Variants in LAMC1 observed in about 807,000 individuals in gnomAD.
The protein encoded by LAMC1 is laminin subunit gamma-1.
A neutral mutation model predicts 173.6 loss-of-function variants in LAMC1; 38 were observed. The ratio of observed to expected loss-of-function variants is 0.22; its 90% CI spans 0.17 to 0.29. The LOEUF (loss-of-function observed/expected upper bound fraction) is 0.29. LAMC1 is among the 10% of genes least tolerant of loss of function. The pLI, the probability that LAMC1 is intolerant of heterozygous loss-of-function variation, is 1.00. For missense variants in LAMC1, 1,824 were observed against 2,051.8 expected, an observed-to-expected ratio of 0.89 and a Z score of 2.14; for synonymous variants, 746 against 749.1, an observed-to-expected ratio of 1.00 and a Z score of 0.07.
intron 17 of LAMC1, among the ~76,000 whole-genome samples, chr1:183,128,213 A>C (rs1345686038): frequency 6.6e-6 from 1 of 152,218 alleles, no homozygotes; most frequent in Admixed American, 6.5e-5. Context: ...GGTATCACGA[A>C]GGTAATCTGA....
chr1:183,047,873 A>G (rs1348511499), intron 1 of LAMC1, among the ~76,000 whole-genome samples: 3 of 152,194 alleles, frequency 2.0e-5, no homozygotes, highest in African/African-American at 7.2e-5. Context: ...ACACATAAAC[A>G]GTTTTTTTCA....
intron 1 of LAMC1, among the ~76,000 whole-genome samples, chr1:183,071,078 T>G (rs548003609): frequency 4.0e-5 from 6 of 150,212 alleles, no homozygotes; most frequent in African/African-American, 9.9e-5. Flanking sequence ...GGAAGCTGGG[T>G]TTTTTTTGTT....
intron 1 of LAMC1, among the ~76,000 whole-genome samples, chr1:183,092,783 G>A (rs1655597803): frequency 6.6e-6 from 1 of 151,930 alleles, no homozygotes; most frequent in Non-Finnish European, 1.5e-5. Context: ...GGATGAAAGG[G>A]GCTCTCTTTC....
intron 1 of LAMC1, among the ~76,000 whole-genome samples, chr1:183,053,994 G>A (rs1272428020): frequency 6.6e-6 from 1 of 152,128 alleles, no homozygotes; most frequent in East Asian, 1.9e-4. Flanking sequence ...CTCAAATGTT[G>A]CTTTTTATTT....
rs998023043 is a variant in LAMC1, at chr1:183,143,872, C to A, written c.*1082C>A. ...GAGATGAGACATTTGACCCTTAGCT[C>A]CAGTTTTCTTCTGATGTTTCCATCT... On this transcript the variant is annotated 3_prime_UTR_variant, in exon 28 of 28. Transcript: ENST00000258341. 6.6e-5 allele frequency: 10 copies of A among 152,156 alleles called. No homozygotes were observed. The highest frequency in any genetic ancestry group is 9.7e-5 in the African/African-American group (4 of 41,430). 9.4% of individuals were successfully genotyped at this position (152,156 alleles called of 1,614,324 possible). A position where few individuals can be genotyped will look rare whatever the true frequency, so the allele number is the denominator to read the frequency against.
At chr1:183,116,535 T>G (rs754985642) in intron 6 of LAMC1, 42 bp from the exon 7 acceptor site, 8 of 1,365,254 alleles carry the variant, frequency 5.9e-6, no homozygotes, top group Non-Finnish European at 8.2e-6. Flanking sequence ...AGTGGAAGTT[T>G]TCTCCCTTCT....
intron 1 of LAMC1, among the ~76,000 whole-genome samples, chr1:183,073,962 CT>C (rs537810849): frequency 2.0e-5 from 3 of 152,070 alleles, no homozygotes; most frequent in Non-Finnish European, 2.9e-5. Context: ...AATTCTGGAA[CT>C]AAAAAAATCC....
At position 183,023,512 on chromosome 1, in the gene LAMC1, G is replaced by A. The variant is rs1182041266; in HGVS notation, c.-205G>A. ...GGAAGCGCGGAGGCGGCGCGCGGGG[G>A]CAGTGGTCGGCGAGCAGCGCGGTCC... is the stretch of plus-strand genomic sequence containing the variant. On this transcript the variant is annotated 5_prime_UTR_variant, in exon 1 of 28. Transcript: ENST00000258341. The A allele has an allele frequency of 1.2e-5, 3 of 248,142 alleles. No individual in the cohort carries two copies. Among genetic ancestry groups the A allele is most frequent in the African/African-American group, 2.3e-5 (1 of 43,800 alleles). The allele number at this position is 248,142 out of a possible 1,614,324, so 15.4% of individuals were successfully genotyped here.
intron 21 of LAMC1, 143 bp downstream of exon 21, chr1:183,132,680 A>T (rs1656829732): frequency 1.5e-6 from 1 of 659,274 alleles, no homozygotes; most frequent in African/African-American, 1.8e-5. Flanking sequence ...TTTGAAATGG[A>T]AAAGTAAGTA....
chr1:183,066,274 G>A (rs1415649641), intron 1 of LAMC1, among the ~76,000 whole-genome samples: 1 of 152,170 alleles, frequency 6.6e-6, no homozygotes, highest in East Asian at 1.9e-4. Flanking sequence ...AGGGTTGGAC[G>A]AAGGTTAACT....
chr1:183,035,907 A>G (rs1405370853), intron 1 of LAMC1, among the ~76,000 whole-genome samples: 1 of 152,134 alleles, frequency 6.6e-6, no homozygotes, highest in Non-Finnish European at 1.5e-5. Flanking sequence ...TTAGAGTATA[A>G]TAGTAACCAA....
intron 23 of LAMC1, 75 bp downstream of exon 23, chr1:183,134,884 G>C (rs888009374): frequency 1.4e-6 from 2 of 1,467,282 alleles, no homozygotes; most frequent in African/African-American, 1.4e-5. Context: ...TGATGATGCC[G>C]TACTTTCAGA....
At chr1:183,112,149 C>T (rs894176914) in intron 4 of LAMC1, among the ~76,000 whole-genome samples, 2 of 152,154 alleles carry the variant, frequency 1.3e-5, no homozygotes, top group African/African-American at 4.8e-5. Flanking sequence ...TCTTATTCAT[C>T]TTTTCAACAA....
At chr1:183,068,623 TC>T (rs1243828870) in intron 1 of LAMC1, among the ~76,000 whole-genome samples, 2 of 152,116 alleles carry the variant, frequency 1.3e-5, no homozygotes, top group Non-Finnish European at 2.9e-5. Flanking sequence ...GTTTCACAAT[TC>T]ATGACTTTTT....
intron 1 of LAMC1, among the ~76,000 whole-genome samples, chr1:183,072,134 T>C (rs1655026127): frequency 6.6e-6 from 1 of 152,242 alleles, no homozygotes; most frequent in South Asian, 2.1e-4. Flanking sequence ...GATTTGGAGC[T>C]AAGAACAAAT....
At chr1:183,061,593 A>G (rs1053309802) in intron 1 of LAMC1, among the ~76,000 whole-genome samples, 3 of 152,090 alleles carry the variant, frequency 2.0e-5, no homozygotes, top group Non-Finnish European at 2.9e-5. Flanking sequence ...TTTAAGTTTT[A>G]TGTTACTTTG....
In LAMC1 at chr1:183,114,549, G is replaced by T; in HGVS notation, c.1040G>T (p.Arg347Leu). 4 of 1,614,102 alleles carry T rather than the reference G, an allele frequency of 2.5e-6. 1 individual carries two copies. In the South Asian group the frequency reaches 3.3e-5, roughly 13 times the overall value. The change falls in exon 5 of 28, where the codon CGA becomes CTA. Residue 347 changes from arginine (R) to leucine (L), a missense_variant. Coordinates refer to ENST00000258341, the MANE Select transcript of LAMC1 (RefSeq NM_002293.4). ...SECLPCDCNG[R>L]SQECYFDPEL... ...CTGACAGCCTGTGATTGCAATGGTC[G>T]ATCCCAGGAATGCTACTTCGACCCT... is the stretch of plus-strand genomic sequence containing the variant.
chr1:183,108,348 G>A lies in LAMC1; in HGVS notation c.796G>A (p.Asp266Asn), dbSNP rs1656048761. The part of the protein sequence containing the change: ...LNTFGDEVFN[D>N]PKVLKSYYYA... Reference sequence around the variant, plus strand: ...CACTTTTGGAGATGAAGTGTTTAACGATCCCAAAGTTCTCAAGTCCTATTA... The same window carrying A: ...CACTTTTGGAGATGAAGTGTTTAACAATCCCAAAGTTCTCAAGTCCTATTA... Residue 266 changes from aspartate to asparagine, a missense_variant, in exon 3 of 28, where the codon GAT (aspartate) becomes AAT (asparagine). Physicochemically the swap from Asp to Asn is conservative, Grantham distance 23. Coordinates refer to ENST00000258341, the MANE Select transcript of LAMC1 (RefSeq NM_002293.4). The A allele has an allele frequency of 1.2e-6, 2 of 1,613,352 alleles. No individual in the cohort carries two copies. The highest frequency in any genetic ancestry group is 1.7e-6 in the Non-Finnish European group (2 of 1,179,494).
intron 1 of LAMC1, among the ~76,000 whole-genome samples, chr1:183,073,344 C>T (rs1250209705): frequency 1.3e-5 from 2 of 152,092 alleles, no homozygotes; most frequent in Non-Finnish European, 1.5e-5. Context: ...AGAAGTAAGC[C>T]TTAAATGCCT....
Sources: allele counts gnomAD v4.1 joint callset (sites outside exome capture counted in the v4.1 genomes callset), GRCh38; gene constraint gnomAD v4.1.1; transcripts MANE v1.5; gene names NCBI Gene and HGNC (gene_info 2026-07-23, HGNC 2026-07-21).